MACROD2: variants seen among roughly 807,000 people sequenced by gnomAD.
MACROD2 encodes ADP-ribose glycohydrolase MACROD2.
MACROD2 carries 36 observed loss-of-function variants against 70.4 expected under a neutral mutation model. That is an observed-to-expected ratio of 0.51 (90% CI 0.39 to 0.68). The LOEUF (loss-of-function observed/expected upper bound fraction) is 0.68. Ranked by LOEUF, MACROD2 falls within the 30% of genes least tolerant of loss-of-function variation. The probability of loss-of-function intolerance (pLI) is 0.00; values close to 1 mark genes in which losing one functional copy is unlikely to be tolerated. For missense variants in MACROD2, 496 were observed against 538.4 expected, an observed-to-expected ratio of 0.92 and a Z score of 0.78; for synonymous variants, 172 against 178.8, an observed-to-expected ratio of 0.96 and a Z score of 0.30.
At chr20:14,081,401 T>C (rs2053993071) in intron 2 of MACROD2, among the ~76,000 whole-genome samples, 1 of 152,240 alleles carries the variant, frequency 6.6e-6, no homozygotes, top group Admixed American at 6.5e-5. Context: ...TTTTTACTGC[T>C]TTAATCACTT....
chr20:15,592,735 A>C (rs933655901), intron 8 of MACROD2, among the ~76,000 whole-genome samples: 3 of 152,220 alleles, frequency 2.0e-5, no homozygotes, highest in African/African-American at 7.2e-5. Flanking sequence ...GACATTCTTT[A>C]TTTAGAATAT....
At chr20:14,500,648 A>T (rs373473400) in intron 4 of MACROD2, among the ~76,000 whole-genome samples, 1 of 152,316 alleles carries the variant, frequency 6.6e-6, no homozygotes, top group East Asian at 1.9e-4. Context: ...CCAAGGACAT[A>T]ATTTGTTTAT....
At chr20:14,838,705 C>G (rs907217832) in intron 5 of MACROD2, among the ~76,000 whole-genome samples, 13 of 152,104 alleles carry the variant, frequency 8.5e-5, no homozygotes, top group Admixed American at 3.9e-4. Context: ...AAACATGATA[C>G]ACTGAAGTGT....
chr20:14,295,507 G>C (rs2082419448), intron 3 of MACROD2, among the ~76,000 whole-genome samples: 1 of 151,526 alleles, frequency 6.6e-6, no homozygotes, highest in Non-Finnish European at 1.5e-5. Flanking sequence ...GCGGAGACTG[G>C]AGTTAGGGGA....
chr20:15,472,789 A>G (rs2046978141), intron 7 of MACROD2, among the ~76,000 whole-genome samples: 1 of 152,138 alleles, frequency 6.6e-6, no homozygotes, highest in Non-Finnish European at 1.5e-5. Flanking sequence ...TGGTGCAGTA[A>G]AATCCATGCC....
At chr20:15,620,328 T>C (rs575430413) in intron 8 of MACROD2, among the ~76,000 whole-genome samples, 3 of 152,206 alleles carry the variant, frequency 2.0e-5, no homozygotes, top group Admixed American at 6.5e-5. Context: ...TCTGGGGCCA[T>C]CAAAGAAGGG....
At chr20:14,847,654 T>A (rs890078157) in intron 5 of MACROD2, among the ~76,000 whole-genome samples, 1 of 149,254 alleles carries the variant, frequency 6.7e-6, no homozygotes, top group African/African-American at 2.5e-5. Flanking sequence ...TAAAAAAAAA[T>A]TGTTCATTAG....
At chr20:15,842,712 G>A (rs7353368) in intron 8 of MACROD2, among the ~76,000 whole-genome samples, 3 of 141,584 alleles carry the variant, frequency 2.1e-5, no homozygotes, top group East Asian at 2.1e-4. Flanking sequence ...GTGGGTGGAT[G>A]GATAGATAGA....
chr20:15,953,092 A>G (rs904318740), intron 12 of MACROD2, among the ~76,000 whole-genome samples: 5 of 152,164 alleles, frequency 3.3e-5, no homozygotes, highest in Admixed American at 6.6e-5. Flanking sequence ...CATGATGTTA[A>G]GGGAAATGAG....
chr20:14,644,736 C>T (rs1341951967), intron 4 of MACROD2, among the ~76,000 whole-genome samples: 1 of 152,036 alleles, frequency 6.6e-6, no homozygotes, highest in East Asian at 1.9e-4. Context: ...TATTTTGTTC[C>T]CCTTGCCTGA....
chr20:14,326,915 G>C lies in MACROD2; in HGVS notation c.272-166564G>C. On this transcript the variant is annotated intron_variant, in intron 3 of 17. Transcript: ENST00000684519. This position sits in a 1 kb window ranked among gnomAD's most constrained non-coding sequence, Gnocchi z 5.5. ...AGAACCAGGCGTTTTAGACTAGTGA[G>C]ACCTTGAAGAGATGGTGATGAAATA... is the stretch of plus-strand genomic sequence containing the variant. The C allele has an allele frequency of 5.0e-6, 8 of 1,613,774 alleles. No individual in the cohort carries two copies. Among genetic ancestry groups the C allele is most frequent in the Non-Finnish European group, 6.8e-6 (8 of 1,179,812 alleles).
At chr20:15,009,143 A>G (rs1259616553) in intron 5 of MACROD2, among the ~76,000 whole-genome samples, 1 of 152,122 alleles carries the variant, frequency 6.6e-6, no homozygotes, top group Non-Finnish European at 1.5e-5. Context: ...AAAGCCAGCA[A>G]ATGTACCCCA....
In MACROD2 at chr20:14,526,765, A is replaced by T. The variant is rs1306317373; in HGVS notation, c.301+33257A>T. ...AACCTCTAGGGGAGCATACAAACTG[A>T]CAGGCTGTGGGGCTCCAAACCCACG... On this transcript the variant is annotated intron_variant, in intron 4 of 17. Coordinates refer to ENST00000684519, the MANE Select transcript of MACROD2 (RefSeq NM_001351661.2). 2.6e-5 allele frequency among the ~76,000 whole-genome samples: 4 copies of T among 152,140 alleles called. No homozygotes were observed. The East Asian group carries it at 5.8e-4, about 22-fold the overall frequency.
chr20:15,981,321 T>C (rs1296409248), intron 13 of MACROD2, among the ~76,000 whole-genome samples: 1 of 151,226 alleles, frequency 6.6e-6, no homozygotes, highest in Non-Finnish European at 1.5e-5. Flanking sequence ...TTTTTTGCGG[T>C]ATCGTTATAC....
At chr20:14,977,554 G>C (rs149555395) in intron 5 of MACROD2, among the ~76,000 whole-genome samples, 184 of 151,674 alleles carry the variant, frequency 1.2e-3, no homozygotes, top group African/African-American at 4.3e-3. Flanking sequence ...AATGTGACTT[G>C]GGTAAGTCAC....
rs549068306 is a variant in MACROD2 at position 14,318,945 on chromosome 20, C to T, written c.272-174534C>T. ...ATTGACGTTTTTGCTTGAGGATGAC[C>T]TTTCCTGTTTCCTCCATCTCTAGAA... is the stretch of plus-strand genomic sequence containing the variant. On this transcript the variant is annotated intron_variant, in intron 3 of 17. Coordinates refer to ENST00000684519, the MANE Select transcript of MACROD2 (RefSeq NM_001351661.2). Among the ~76,000 whole-genome samples the T allele has an allele frequency of 2.0e-5, 3 of 152,270 alleles. No homozygotes were observed. The South Asian group carries it at 6.2e-4, about 32-fold the overall frequency.
At chr20:15,404,566 C>G (rs2045971588) in intron 6 of MACROD2, among the ~76,000 whole-genome samples, 3 of 152,204 alleles carry the variant, frequency 2.0e-5, no homozygotes, top group South Asian at 4.1e-4. Context: ...AAAAACCAGT[C>G]TCTGGCTGTT....
chr20:15,431,325 C>T, intron 6 of MACROD2, 80 bp from the exon 7 acceptor site: 2 of 1,342,916 alleles, frequency 1.5e-6, no homozygotes, highest in Non-Finnish European at 2.1e-6. Flanking sequence ...CATTATCAAA[C>T]AAAATAGATG....
chr20:15,942,006 T>A (rs1482350776), intron 12 of MACROD2, among the ~76,000 whole-genome samples: 1 of 152,200 alleles, frequency 6.6e-6, no homozygotes, highest in Non-Finnish European at 1.5e-5. Flanking sequence ...AATGTCACTT[T>A]GGAGACCAGA....
Sources: gnomAD v4.1 joint callset for allele counts (sites outside exome capture counted in the v4.1 genomes callset) on GRCh38, gnomAD v4.1.1 for gene constraint, Gnocchi (gnomAD v3.1) non-coding constraint, MANE v1.5 for transcripts, NCBI Gene and HGNC (gene_info 2026-07-23, HGNC 2026-07-21) for gene names.